The following PEBP4 variants were observed in gnomAD, a reference collection of about 807,000 sequenced individuals.
PEBP4 encodes phosphatidylethanolamine-binding protein 4.
A neutral mutation model predicts 23.9 loss-of-function variants in PEBP4; 22 were observed. That is an observed-to-expected ratio of 0.92 (90% confidence interval 0.66 to 1.31). PEBP4 has a LOEUF of 1.31. PEBP4 is among the 40% of genes most tolerant of loss of function. The pLI is 0.00. For synonymous variants in PEBP4, 112 were observed against 99.3 expected, an observed-to-expected ratio of 1.13 and a Z score of -0.76; for missense variants, 324 against 281.7, an observed-to-expected ratio of 1.15 and a Z score of -1.07.
intron 6 of PEBP4, among the ~76,000 whole-genome samples, chr8:22,717,366 G>A (rs1367582156): frequency 3.9e-5 from 6 of 152,196 alleles, no homozygotes; most frequent in Admixed American, 6.5e-5. Flanking sequence ...CCCAACAGCC[G>A]AGGACAGCAG....
At chr8:22,836,271 A>C (rs1043744403) in intron 3 of PEBP4, among the ~76,000 whole-genome samples, 1 of 152,250 alleles carries the variant, frequency 6.6e-6, no homozygotes, top group Non-Finnish European at 1.5e-5. Context: ...ATGAAAGACA[A>C]GTGAATGGCT....
rs1399944014 is a variant in PEBP4 at position 22,775,632 on chromosome 8, G to C, written c.357+42005C>G. The stretch of plus-strand genomic sequence containing the variant: ...TTTGTCTGTGTGTGGGAGAGGGTTT[G>C]CTGGGAAGGAGGGGGACGGAGGCAG... On this transcript the variant is annotated intron_variant, in intron 4 of 6. Coordinates refer to ENST00000256404, the MANE Select transcript of PEBP4 (RefSeq NM_144962.3). This position sits in a 1 kb window ranked among gnomAD's most constrained non-coding sequence, Gnocchi z 4.8. Among the ~76,000 whole-genome samples the C allele has an allele frequency of 6.6e-6, 1 of 152,296 alleles. No individual in the cohort carries two copies. Among genetic ancestry groups the C allele is most frequent in the Middle Eastern group, 3.4e-3 (1 of 294 alleles).
At chr8:22,937,173 A>G (rs1175460552) in intron 1 of PEBP4, among the ~76,000 whole-genome samples, 2 of 152,224 alleles carry the variant, frequency 1.3e-5, no homozygotes, top group Non-Finnish European at 2.9e-5. Flanking sequence ...GCAGATGACA[A>G]TCTTACATAT....
intron 3 of PEBP4, among the ~76,000 whole-genome samples, chr8:22,862,176 G>T (rs1807791166): frequency 6.6e-6 from 1 of 152,132 alleles, no homozygotes; most frequent in Admixed American, 6.5e-5. Context: ...GGCCACAGGA[G>T]TCGGGGGCCT....
chr8:22,850,112 AAG>A (rs1807520033), intron 3 of PEBP4, among the ~76,000 whole-genome samples: 1 of 151,608 alleles, frequency 6.6e-6, no homozygotes, highest in African/African-American at 2.4e-5. Context: ...CCTACTCTTT[AAG>A]AAAAAAAAAA....
chr8:22,762,408 A>G (rs1805526073), intron 4 of PEBP4, among the ~76,000 whole-genome samples: 3 of 152,160 alleles, frequency 2.0e-5, no homozygotes, highest in Admixed American at 2.0e-4. Flanking sequence ...TTCCTTCAAA[A>G]TGCCTATCCA....
At chr8:22,893,216 T>G (rs753792652) in intron 3 of PEBP4, among the ~76,000 whole-genome samples, 2 of 152,174 alleles carry the variant, frequency 1.3e-5, no homozygotes, top group Admixed American at 6.5e-5. Flanking sequence ...TATTCAGCAG[T>G]GGGGCAAAAT....
intron 6 of PEBP4, among the ~76,000 whole-genome samples, chr8:22,714,329 C>G (rs953566985): frequency 6.6e-6 from 1 of 152,128 alleles, no homozygotes; most frequent in Admixed American, 6.5e-5. Flanking sequence ...CATATTCCCA[C>G]GTTCTTGTTT....
upstream of PEBP4, among the ~76,000 whole-genome samples, chr8:22,930,467 G>A (rs147883091): frequency 3.0e-4 from 46 of 152,148 alleles, no homozygotes; most frequent in East Asian, 8.1e-3. Context: ...GAGGCAGCAC[G>A]GAGACTGTCC....
At chr8:22,736,300 GTTC>G in intron 4 of PEBP4, among the ~76,000 whole-genome samples, 2 of 152,274 alleles carry the variant, frequency 1.3e-5, no homozygotes, top group African/African-American at 4.8e-5. Context: ...TATTAAACCT[GTTC>G]TTCTTAGAAG....
At chr8:22,890,045 T>C (rs1808461380) in intron 3 of PEBP4, among the ~76,000 whole-genome samples, 1 of 152,154 alleles carries the variant, frequency 6.6e-6, no homozygotes, top group Non-Finnish European at 1.5e-5. Flanking sequence ...TGCTCCTTGA[T>C]AGGAGTGAGG....
At chr8:22,776,965 G>A (rs1045818403) in intron 4 of PEBP4, among the ~76,000 whole-genome samples, 1 of 151,852 alleles carries the variant, frequency 6.6e-6, no homozygotes, top group Non-Finnish European at 1.5e-5. Context: ...TCCTACGGGG[G>A]CAGGCTTGGG....
At chr8:22,915,533 C>G (rs993589971) in intron 3 of PEBP4, among the ~76,000 whole-genome samples, 1 of 152,182 alleles carries the variant, frequency 6.6e-6, no homozygotes, top group Admixed American at 6.5e-5. Context: ...CTGCAAGCTC[C>G]GTGATAGTGT....
intron 3 of PEBP4, among the ~76,000 whole-genome samples, chr8:22,906,187 G>C (rs1479138915): frequency 6.6e-6 from 1 of 152,136 alleles, no homozygotes; most frequent in African/African-American, 2.4e-5. Flanking sequence ...CCAGGTGGGA[G>C]GGAGTGATGC....
intron 4 of PEBP4, among the ~76,000 whole-genome samples, chr8:22,730,061 G>T (rs1205225666): frequency 6.6e-6 from 1 of 152,124 alleles, no homozygotes; most frequent in Non-Finnish European, 1.5e-5. Context: ...CTAACTCAAG[G>T]TCTCATGCCT....
chr8:22,743,933 C>T (rs756654811), intron 4 of PEBP4, among the ~76,000 whole-genome samples: 5 of 152,170 alleles, frequency 3.3e-5, no homozygotes, highest in African/African-American at 1.2e-4. Context: ...CCTGCTCACT[C>T]GGGGACCAGC....
chr8:22,784,614 G>A (rs1805992476), intron 4 of PEBP4, among the ~76,000 whole-genome samples: 2 of 152,198 alleles, frequency 1.3e-5, no homozygotes, highest in South Asian at 4.1e-4. Flanking sequence ...GCCTTGTTAG[G>A]AGAAGCTAAT....
chr8:22,824,324 C>T (rs766512667), intron 3 of PEBP4, among the ~76,000 whole-genome samples: 5 of 152,096 alleles, frequency 3.3e-5, no homozygotes, highest in East Asian at 3.9e-4. Context: ...CCTGTTTAAA[C>T]AATAGCCAAG....
chr8:22,787,445 G>T (rs1265615143), intron 4 of PEBP4, among the ~76,000 whole-genome samples: 1 of 152,108 alleles, frequency 6.6e-6, no homozygotes, highest in Non-Finnish European at 1.5e-5. Context: ...TGGCAGAGGC[G>T]GGGGAGGGGG....
Sources: allele counts gnomAD v4.1 joint callset (sites outside exome capture counted in the v4.1 genomes callset), GRCh38; gene constraint gnomAD v4.1.1; non-coding constraint Gnocchi (gnomAD v3.1); transcripts MANE v1.5; gene names NCBI Gene and HGNC (gene_info 2026-07-23, HGNC 2026-07-21).